ANAPC16: variants seen among roughly 807,000 people sequenced by gnomAD.
ANAPC16 encodes the protein anaphase-promoting complex subunit 16.
ANAPC16 carries 6 observed loss-of-function variants against 13.1 expected under a neutral mutation model. That is an observed-to-expected ratio of 0.46 (90% confidence interval 0.25 to 0.90). The LOEUF is 0.90. Ranked by LOEUF, ANAPC16 falls within the 40% of genes least tolerant of loss-of-function variation. The pLI is 0.18. For synonymous variants in ANAPC16, 55 were observed against 51.3 expected (o/e 1.07, Z -0.31); for missense variants, 113 against 131.1 (o/e 0.86, Z 0.67).
At chr10:72,225,057 G>GCAGAT (rs1450561898) in intron 2 of ANAPC16, among the ~76,000 whole-genome samples, 5 of 152,136 alleles carry the variant, frequency 3.3e-5, no homozygotes, top group African/African-American at 1.2e-4. Context: ...GCCAAGGCGG[G>GCAGAT]TGGATCACCT....
intron 1 of ANAPC16, among the ~76,000 whole-genome samples, chr10:72,218,165 A>AAT (rs61038115): frequency 3.2e-4 from 10 of 31,536 alleles, no homozygotes; most frequent in African/African-American, 9.4e-4. Flanking sequence ...AAAAAAAAAA[A>AAT]ATATATATAT....
At chr10:72,222,879 A>C (rs1035334537) in intron 1 of ANAPC16, among the ~76,000 whole-genome samples, 1 of 152,168 alleles carries the variant, frequency 6.6e-6, no homozygotes, top group Non-Finnish European at 1.5e-5. Context: ...TTTGTTTTGA[A>C]CTTTTGTAAG....
chr10:72,216,514 ATTTGG>A (rs1342731823), intron 1 of ANAPC16, among the ~76,000 whole-genome samples: 1 of 111,524 alleles, frequency 9.0e-6, no homozygotes, highest in Non-Finnish European at 1.8e-5. Context: ...TGCGGCATCT[ATTTGG>A]TTTGGGTTGT....
chr10:72,222,183 G>T (rs566000867), intron 1 of ANAPC16, among the ~76,000 whole-genome samples: 1 of 151,352 alleles, frequency 6.6e-6, no homozygotes, highest in South Asian at 2.1e-4. Flanking sequence ...ACTTTGGGAG[G>T]CCGAGGCAGG....
At chr10:72,216,303 A>C (rs530731099) in intron 1 of ANAPC16, 165 bp downstream of exon 1, 2 of 160,596 alleles carry the variant, frequency 1.2e-5, no homozygotes, top group South Asian at 3.1e-4. Context: ...GGTTTGACCG[A>C]GTGCGCATGC....
chr10:72,217,232 T>G (rs1462027829), intron 1 of ANAPC16: 2 of 356,962 alleles, frequency 5.6e-6, no homozygotes, highest in Non-Finnish European at 5.5e-6. Context: ...CCTAGCACTT[T>G]GGGAGGCCGA....
At chr10:72,219,940 T>A (rs1859839769) in intron 1 of ANAPC16, 1 of 152,176 alleles carries the variant, frequency 6.6e-6, no homozygotes, top group African/African-American at 2.4e-5. Context: ...GAACAGCCAG[T>A]ATTTCAAGAC....
intron 1 of ANAPC16, among the ~76,000 whole-genome samples, chr10:72,222,147 T>C (rs1426668350): frequency 1.3e-5 from 2 of 151,160 alleles, no homozygotes; most frequent in Admixed American, 1.3e-4. Flanking sequence ...TGGCCGGGCA[T>C]GATGGCTCAT....
intron 1 of ANAPC16, among the ~76,000 whole-genome samples, chr10:72,219,189 T>C (rs1357874739): frequency 6.6e-6 from 1 of 152,212 alleles, no homozygotes; most frequent in East Asian, 1.9e-4. Flanking sequence ...TGAGCTGCTC[T>C]CCAAAAGATG....
intron 2 of ANAPC16, among the ~76,000 whole-genome samples, chr10:72,225,779 G>A (rs1860101373): frequency 6.6e-6 from 1 of 151,450 alleles, no homozygotes; most frequent in Non-Finnish European, 1.5e-5. Context: ...GCGCATGCCT[G>A]TAGTCCAGCT....
At chr10:72,230,186 A>G (rs916920232) in intron 2 of ANAPC16, among the ~76,000 whole-genome samples, 180 bp from the exon 3 acceptor site, 3 of 152,188 alleles carry the variant, frequency 2.0e-5, no homozygotes, top group Admixed American at 6.6e-5. Flanking sequence ...TATTCTAGGT[A>G]TAGAATAAAT....
intron 2 of ANAPC16, among the ~76,000 whole-genome samples, chr10:72,226,951 G>C (rs1255738276): frequency 6.6e-6 from 1 of 152,120 alleles, no homozygotes; most frequent in Non-Finnish European, 1.5e-5. Context: ...TAGTATCACT[G>C]AGTCTGGTTA....
chr10:72,224,562 G>A (rs192023472), intron 2 of ANAPC16, among the ~76,000 whole-genome samples: 521 of 150,920 alleles, frequency 3.5e-3, no homozygotes, highest in Non-Finnish European at 5.5e-3. Flanking sequence ...GCCATGTGCC[G>A]AGATCTCGCC....
intron 1 of ANAPC16, among the ~76,000 whole-genome samples, chr10:72,219,327 G>A (rs79815052): frequency 0.014 from 2,115 of 152,280 alleles, 27 homozygotes; most frequent in South Asian, 0.047. Flanking sequence ...ACCCAGTGTA[G>A]TCCGGAAGAT....
rs1430894406 is a variant in ANAPC16 at position 72,235,590 on chromosome 10, T to C, written c.*2474T>C. The C allele has an allele frequency of 6.6e-6, 1 of 152,220 alleles. No individual in the cohort carries two copies. Among genetic ancestry groups the C allele is most frequent in the Non-Finnish European group, 1.5e-5 (1 of 68,044 alleles). The allele number at this position is 152,220 out of a possible 1,614,324, so 9.4% of individuals were successfully genotyped here. A position where few individuals can be genotyped will look rare whatever the true frequency, so the allele number is the denominator to read the frequency against. ...ATTTTAGTTTTTTAATAGTACTTATTAGCATCAACCATCTTGATAATCACC... is the reference window on the plus strand; with the variant it reads ...ATTTTAGTTTTTTAATAGTACTTATCAGCATCAACCATCTTGATAATCACC... On this transcript the variant is annotated 3_prime_UTR_variant, in exon 4 of 4. Coordinates refer to ENST00000299381, the MANE Select transcript of ANAPC16 (RefSeq NM_173473.4).
rs1042712566 is a variant in ANAPC16 at position 72,235,113 on chromosome 10, T to G, written c.*1997T>G. ...TTGCAGTGAGCTGAGATCACACCAT[T>G]GCACTCTAGTCTGGGTGACAGAGCG... On this transcript the variant is annotated 3_prime_UTR_variant, in exon 4 of 4. Coordinates refer to ENST00000299381, the MANE Select transcript of ANAPC16 (RefSeq NM_173473.4). The G allele has an allele frequency of 1.3e-5, 2 of 150,346 alleles. No homozygotes were observed. The highest frequency in any genetic ancestry group is 3.0e-5 in the Non-Finnish European group (2 of 67,758). 9.3% of individuals were successfully genotyped at this position (150,346 alleles called of 1,614,324 possible).
intron 1 of ANAPC16, chr10:72,216,895 G>C (rs766866151): frequency 1.3e-5 from 6 of 456,112 alleles, no homozygotes; most frequent in South Asian, 9.3e-5. Flanking sequence ...CCTCCGGTGG[G>C]CCTGGCAAAC....
At chr10:72,222,028 A>AT (rs1041596390) in intron 1 of ANAPC16, among the ~76,000 whole-genome samples, 4 of 147,946 alleles carry the variant, frequency 2.7e-5, no homozygotes, top group African/African-American at 9.9e-5. Context: ...GCACCCGGCC[A>AT]TTTTTTCTTT....
chr10:72,216,341 G>A (rs144621123), intron 1 of ANAPC16: 23 of 172,542 alleles, frequency 1.3e-4, no homozygotes, highest in African/African-American at 5.0e-4. Context: ...CTGCGCAGTG[G>A]GACAGCGCCG....
Sources: allele counts gnomAD v4.1 joint callset (sites outside exome capture counted in the v4.1 genomes callset), GRCh38; gene constraint gnomAD v4.1.1; transcripts MANE v1.5; gene names NCBI Gene and HGNC (gene_info 2026-07-23, HGNC 2026-07-21).